ADAMTS7: variants seen among roughly 807,000 people sequenced by gnomAD.
ADAMTS7 encodes ADAM metallopeptidase with thrombospondin type 1 motif 7, also known as A disintegrin and metalloproteinase with thrombospondin motifs 7.
In ADAMTS7, 89 loss-of-function variants were observed where a neutral mutation model predicts 172.6. The ratio of observed to expected loss-of-function variants is 0.52; its 90% confidence interval spans 0.43 to 0.61. The LOEUF (loss-of-function observed/expected upper bound fraction) is 0.61. ADAMTS7 is among the 20% of genes least tolerant of loss of function. The pLI is 0.00. For missense variants in ADAMTS7, 1,973 were observed against 2,355.6 expected (o/e 0.84, Z 3.36); for synonymous variants, 885 against 978.4 (o/e 0.90, Z 1.78).
At chr15:78,778,439 C>T (rs1172654460) in intron 8 of ADAMTS7, among the ~76,000 whole-genome samples, 1 of 152,250 alleles carries the variant, frequency 6.6e-6, no homozygotes, top group East Asian at 1.9e-4. Flanking sequence ...CCTGCTGCCC[C>T]TGCTGGACCT....
chr15:78,777,622 A>G, intron 8 of ADAMTS7, 34 bp from the exon 9 acceptor site: 1 of 1,582,368 alleles, frequency 6.3e-7, no homozygotes. Flanking sequence ...AGGGGGGCGC[A>G]GCCTGTGAGA....
Position 78,771,267 on chromosome 15 carries a change from C to T in ADAMTS7, c.2413G>A (p.Glu805Lys), listed in dbSNP as rs776433742. The change falls in exon 16 of 24, where the codon GAG becomes AAG. Residue 805 changes from glutamate (E) to lysine (K), a missense_variant. Glu to Lys is a moderately conservative substitution (Grantham distance 56, BLOSUM62 1). Transcript: ENST00000388820. This position sits in a 1 kb window ranked among gnomAD's most constrained non-coding sequence, Gnocchi z 4.9. Reference sequence around the variant, plus strand: ...CCTGCCTCCCTGTGGATGGTGTACTCGTAGTGCACCCCAGGGTTGCTCTCC... The same window carrying T: ...CCTGCCTCCCTGTGGATGGTGTACTTGTAGTGCACCCCAGGGTTGCTCTCC... ...FQESNPGVHY[E>K]YTIHREAGGH... 8 of 1,612,586 alleles carry T rather than the reference C, an allele frequency of 5.0e-6. No individual in the cohort carries two copies. The highest frequency in any genetic ancestry group is 4.4e-5 in the South Asian group (4 of 90,940).
At chr15:78,795,317 C>T (rs1406400671) in intron 4 of ADAMTS7, among the ~76,000 whole-genome samples, 1 of 152,212 alleles carries the variant, frequency 6.6e-6, no homozygotes, top group African/African-American at 2.4e-5. Flanking sequence ...CCTTCAAGGC[C>T]TCAAATGCCA....
At chr15:78,781,821 C>T (rs1286545967) in intron 8 of ADAMTS7, among the ~76,000 whole-genome samples, 8 of 151,990 alleles carry the variant, frequency 5.3e-5, no homozygotes, top group Non-Finnish European at 8.8e-5. Context: ...AAGTCCATCC[C>T]ATCTATCACT....
At chr15:78,806,012 G>A (rs28542482) in intron 1 of ADAMTS7, among the ~76,000 whole-genome samples, 104,706 of 148,016 alleles carry the variant, frequency 0.71, 37,333 homozygotes, top group Middle Eastern at 0.87. Flanking sequence ...CCTGGGAGGC[G>A]GAGGTTGCAG....
rs146441446 is a variant in ADAMTS7, at chr15:78,766,842, C to A, written c.3069G>T (p.Pro1023=). 6.2e-7 allele frequency: 1 copy of A among 1,609,844 alleles called. No homozygotes were observed. The highest frequency in any genetic ancestry group is 1.3e-5 in the African/African-American group (1 of 74,956). The change falls in exon 19 of 24, where the codon CCG becomes CCT. Residue 1023 remains proline, a synonymous_variant. Transcript: ENST00000388820. The part of the protein sequence containing the change: ...HELFNEADFI[P]HHLAPRPSPA... ...GTGAAGGGCGTGGGGCCAGGTGGTG[C>A]GGGATGAAGTCAGCCTCGTTGAAGA... is the stretch of plus-strand genomic sequence containing the variant.
chr15:78,803,800 T>C (rs1037249818), intron 1 of ADAMTS7, among the ~76,000 whole-genome samples: 2 of 152,242 alleles, frequency 1.3e-5, no homozygotes, highest in African/African-American at 4.8e-5. Context: ...TATTTCAAGA[T>C]ACGTGCAACA....
At chr15:78,780,429 TG>T (rs1218355570) in intron 8 of ADAMTS7, among the ~76,000 whole-genome samples, 1 of 152,144 alleles carries the variant, frequency 6.6e-6, no homozygotes, top group Non-Finnish European at 1.5e-5. Context: ...AGTCACTGAA[TG>T]GGGGGTCCAC....
chr15:78,774,636 C>A lies in ADAMTS7; in HGVS notation c.1864G>T (p.Val622Leu). ...GGGCAGCACTCACCGTCATTGACCA[C>A]GGGCACCCATGTGTGCAGCTGGCCC... is the stretch of plus-strand genomic sequence containing the variant. ...YKGQLHTWVP[V>L]VNDVNPCELH... is the part of the protein sequence containing the mutation. Residue 622 changes from valine (V) to leucine (L), a missense_variant, in exon 12 of 24, where the codon GTG becomes TTG. This residue lies in a region of ADAMTS7 where 526 missense variants were observed against 662.9 expected (regional missense o/e 0.79). Coordinates refer to ENST00000388820, the MANE Select transcript of ADAMTS7 (RefSeq NM_014272.5). 1 of 1,611,746 alleles carries A rather than the reference C, an allele frequency of 6.2e-7. No homozygotes were observed. The highest frequency in any genetic ancestry group is 8.5e-7 in the Non-Finnish European group (1 of 1,179,810).
chr15:78,797,497 C>T (rs1270338582), intron 3 of ADAMTS7, among the ~76,000 whole-genome samples: 1 of 152,230 alleles, frequency 6.6e-6, no homozygotes, highest in Non-Finnish European at 1.5e-5. Flanking sequence ...GCACTGGGTA[C>T]CACACTCCAG....
At chr15:78,806,786 G>C (rs548557764) in intron 1 of ADAMTS7, among the ~76,000 whole-genome samples, 111 of 152,190 alleles carry the variant, frequency 7.3e-4, no homozygotes, top group African/African-American at 2.5e-3. Context: ...GTTTTTTTGA[G>C]AGAGAGTTTC....
chr15:78,788,184 T>C (rs745882702), intron 8 of ADAMTS7, 47 bp downstream of exon 8: 2 of 1,607,976 alleles, frequency 1.2e-6, no homozygotes, highest in South Asian at 1.1e-5. Context: ...CCAGTAGACC[T>C]TGACCTCATG....
chr15:78,797,632 G>A (rs193044443), intron 3 of ADAMTS7, among the ~76,000 whole-genome samples: 2 of 152,348 alleles, frequency 1.3e-5, no homozygotes, highest in African/African-American at 4.8e-5. Flanking sequence ...GAGGAAGAAC[G>A]GCTGGCAGAG....
intron 3 of ADAMTS7, among the ~76,000 whole-genome samples, chr15:78,797,533 C>G (rs2055661899): frequency 6.6e-6 from 1 of 152,168 alleles, no homozygotes; most frequent in Non-Finnish European, 1.5e-5. Context: ...GTTAGTTATT[C>G]TAGGGTGGGA....
At chr15:78,759,993 A>C in intron 23 of ADAMTS7, among the ~76,000 whole-genome samples, 2 of 151,374 alleles carry the variant, frequency 1.3e-5, no homozygotes, top group Non-Finnish European at 2.9e-5. Flanking sequence ...TCTGCCCCCG[A>C]CTCCCGCCAC....
Position 78,774,302 on chromosome 15 carries a change from T to G in ADAMTS7, c.1877-2A>C. 6.4e-7 allele frequency: 1 copy of G among 1,568,144 alleles called. No homozygotes were observed. The stretch of plus-strand genomic sequence containing the variant: ...GGCAGTGCAGCTCGCAGGGGTTCAC[T>G]GAGGGCCCAAGTAGAAGAGTCATCA... On this transcript the variant is annotated splice_acceptor_variant, in intron 12 of 23. Transcript: ENST00000388820. LOFTEE classifies it high-confidence loss of function.
At chr15:78,764,195 G>A (rs1293056231) in intron 20 of ADAMTS7, 96 bp from the exon 21 acceptor site, 4 of 1,403,632 alleles carry the variant, frequency 2.8e-6, no homozygotes, top group East Asian at 5.2e-5. Flanking sequence ...CCAGGCCCAC[G>A]CCCCAGCCCG....
intron 16 of ADAMTS7, among the ~76,000 whole-genome samples, chr15:78,769,638 G>A (rs550511528): frequency 5.9e-5 from 9 of 152,276 alleles, no homozygotes; most frequent in Non-Finnish European, 7.3e-5. Flanking sequence ...TGACAAGGAC[G>A]GTGTGGCTGA....
intron 1 of ADAMTS7, among the ~76,000 whole-genome samples, chr15:78,801,314 T>C (rs552857478): frequency 6.6e-6 from 1 of 152,278 alleles, no homozygotes; most frequent in Admixed American, 6.5e-5. Flanking sequence ...TACACAGCCT[T>C]AGTTCCCTCC....
Sources: allele counts gnomAD v4.1 joint callset (sites outside exome capture counted in the v4.1 genomes callset), GRCh38; gene constraint gnomAD v4.1.1; regional missense constraint gnomAD v4.1.1; non-coding constraint Gnocchi (gnomAD v3.1); transcripts MANE v1.5; gene names NCBI Gene and HGNC (gene_info 2026-07-23, HGNC 2026-07-21).